The following PRR16 variants were observed in gnomAD, a reference collection of about 807,000 sequenced individuals.
The protein encoded by PRR16 is proline rich 16.
In PRR16, 6 loss-of-function variants were observed where a neutral mutation model predicts 18.2. The observed-to-expected ratio is 0.33, with a 90% CI of 0.18 to 0.65. The LOEUF is 0.65. PRR16 is among the 30% of genes least tolerant of loss of function. The pLI is 0.74. For synonymous variants in PRR16, 151 were observed against 147.8 expected, an observed-to-expected ratio of 1.02 and a Z score of -0.16; for missense variants, 412 against 376.6, an observed-to-expected ratio of 1.09 and a Z score of -0.78.
chr5:120,507,056 C>T (rs1750669226), intron 1 of PRR16, among the ~76,000 whole-genome samples: 1 of 152,006 alleles, frequency 6.6e-6, no homozygotes, highest in South Asian at 2.1e-4. Flanking sequence ...TAATACCAGG[C>T]TAAAGAAATA....
At chr5:120,577,971 A>T (rs959246555) in intron 1 of PRR16, among the ~76,000 whole-genome samples, 16 of 152,198 alleles carry the variant, frequency 1.1e-4, no homozygotes, top group African/African-American at 3.9e-4. Context: ...CTCAAGTGGT[A>T]TGCTAACTTA....
chr5:120,754,767 T>C, the PRR16 span, among the ~76,000 whole-genome samples: 5 of 149,712 alleles, frequency 3.3e-5, no homozygotes, highest in Non-Finnish European at 5.9e-5. Flanking sequence ...ATTGATAACA[T>C]CTTTACTTTT....
intron 1 of PRR16, among the ~76,000 whole-genome samples, chr5:120,560,824 G>A (rs1752551853): frequency 6.6e-6 from 1 of 151,992 alleles, no homozygotes; most frequent in Non-Finnish European, 1.5e-5. Flanking sequence ...GGTCTGTTCA[G>A]GTTATGGATT....
At chr5:120,648,534 T>G (rs1433168360) in intron 1 of PRR16, among the ~76,000 whole-genome samples, 1 of 152,134 alleles carries the variant, frequency 6.6e-6, no homozygotes, top group African/African-American at 2.4e-5. Flanking sequence ...GTAACATTAT[T>G]TTTCTATTTT....
At chr5:120,676,102 G>C (rs780732785) in intron 1 of PRR16, among the ~76,000 whole-genome samples, 5 of 152,116 alleles carry the variant, frequency 3.3e-5, no homozygotes, top group Admixed American at 6.5e-5. Flanking sequence ...ATGTGCCTCT[G>C]TGTGGGTGTG....
intron 1 of PRR16, among the ~76,000 whole-genome samples, chr5:120,469,348 A>G (rs1458158039): frequency 6.6e-6 from 1 of 152,222 alleles, no homozygotes; most frequent in Non-Finnish European, 1.5e-5. Context: ...TTGAGACAGT[A>G]TCTTGCCCTG....
chr5:120,626,404 A>T (rs1351321504), intron 1 of PRR16, among the ~76,000 whole-genome samples: 1 of 152,152 alleles, frequency 6.6e-6, no homozygotes, highest in Admixed American at 6.6e-5. Context: ...AGAAAAGGCA[A>T]ATCTATGGAA....
At chr5:120,715,450 G>A in the PRR16 span, among the ~76,000 whole-genome samples, 1 of 152,126 alleles carries the variant, frequency 6.6e-6, no homozygotes, top group African/African-American at 2.4e-5. Flanking sequence ...ATAATTGAAT[G>A]CTTCACAGGT....
At position 120,464,611 on chromosome 5, in the gene PRR16, G is replaced by A. The variant is rs1749015196; in HGVS notation, c.125G>A (p.Gly42Asp). Residue 42 changes from glycine (G) to aspartate (D), a missense_variant, in exon 1 of 2, where the codon GGC becomes GAC. Physicochemically the swap from Gly to Asp is moderately conservative, Grantham distance 94 (BLOSUM62 -1). Transcript: ENST00000407149. The stretch of plus-strand genomic sequence containing the variant: ...GTGGAGGATTTGGAATTAGTCCTGG[G>A]CGACCTGAAGGACGTGGCCAAGGAA... ...IIVEDLELVLGDLKDVAKELK... is the reference protein window; with the variant it reads ...IIVEDLELVLDDLKDVAKELK... 1 of 1,576,232 alleles carries A rather than the reference G, an allele frequency of 6.3e-7. No homozygotes were observed. The highest frequency in any genetic ancestry group is 1.3e-5 in the African/African-American group (1 of 74,698).
chr5:120,779,204 T>C, the PRR16 span, among the ~76,000 whole-genome samples: 1 of 152,150 alleles, frequency 6.6e-6, no homozygotes, highest in Non-Finnish European at 1.5e-5. Flanking sequence ...CTCTCCAATC[T>C]GGCTGCAACA....
At chr5:120,494,804 T>C (rs372727847) in intron 1 of PRR16, among the ~76,000 whole-genome samples, 33 of 152,228 alleles carry the variant, frequency 2.2e-4, no homozygotes, top group Middle Eastern at 3.4e-3. Flanking sequence ...TCGTTTTGCT[T>C]AAGGATGTCC....
chr5:120,588,712 A>G (rs1044398429), intron 1 of PRR16, among the ~76,000 whole-genome samples: 37 of 152,148 alleles, frequency 2.4e-4, no homozygotes, highest in African/African-American at 8.0e-4. Context: ...GTATGCCTAT[A>G]TTTGTAAATT....
At chr5:120,784,793 C>T in the PRR16 span, among the ~76,000 whole-genome samples, 1 of 152,234 alleles carries the variant, frequency 6.6e-6, no homozygotes, top group Non-Finnish European at 1.5e-5. Context: ...CTAATTCTTC[C>T]TAGAAGAATG....
chr5:120,717,095 TAA>T, the PRR16 span, among the ~76,000 whole-genome samples: 20 of 135,478 alleles, frequency 1.5e-4, no homozygotes, highest in Admixed American at 1.5e-3. Context: ...ATTTTGATGT[TAA>T]GTTGTTTTAT....
At chr5:120,676,995 A>G (rs1756819623) in intron 1 of PRR16, among the ~76,000 whole-genome samples, 1 of 152,208 alleles carries the variant, frequency 6.6e-6, no homozygotes, top group Non-Finnish European at 1.5e-5. Context: ...AAATGTTTCC[A>G]TTTATTACAT....
the PRR16 span, among the ~76,000 whole-genome samples, chr5:120,772,274 T>A: frequency 1.3e-5 from 2 of 152,084 alleles, no homozygotes. Context: ...GAAGCGTTTT[T>A]CTGCCTCTTC....
At chr5:120,566,205 C>G (rs78023809) in intron 1 of PRR16, among the ~76,000 whole-genome samples, 7,236 of 152,232 alleles carry the variant, frequency 0.048, 185 homozygotes, top group African/African-American at 0.07. Context: ...TGCTGTCACT[C>G]TCTCTCACCC....
chr5:120,635,771 C>A (rs1755207810), intron 1 of PRR16, among the ~76,000 whole-genome samples: 1 of 151,998 alleles, frequency 6.6e-6, no homozygotes, highest in South Asian at 2.1e-4. Context: ...CTAGCCAGAG[C>A]AATCAGACAA....
intron 1 of PRR16, among the ~76,000 whole-genome samples, chr5:120,521,229 C>T (rs1751169363): frequency 1.3e-5 from 2 of 151,806 alleles, no homozygotes; most frequent in Admixed American, 1.3e-4. Context: ...AAGATGAGTC[C>T]TTTATTTTTT....
Sources: gnomAD v4.1 joint callset for allele counts (sites outside exome capture counted in the v4.1 genomes callset) on GRCh38, gnomAD v4.1.1 for gene constraint, MANE v1.5 for transcripts, NCBI Gene and HGNC (gene_info 2026-07-23, HGNC 2026-07-21) for gene names.